Variants in SDC3 observed in about 807,000 individuals in gnomAD.
SDC3 encodes syndecan 3, also known as syndecan-3.
In SDC3, 13 loss-of-function variants were observed where a neutral mutation model predicts 24.4. The ratio of observed to expected loss-of-function variants is 0.53; its 90% confidence interval spans 0.35 to 0.85. The LOEUF is 0.85. Ranked by LOEUF, SDC3 falls within the 40% of genes least tolerant of loss-of-function variation. The pLI is 0.01. For synonymous variants in SDC3, 295 were observed against 260.9 expected, an observed-to-expected ratio of 1.13 and a Z score of -1.26; for missense variants, 571 against 584.5, an observed-to-expected ratio of 0.98 and a Z score of 0.24.
chr1:30,908,341 G>C (rs1414216354), intron 1 of SDC3, 108 bp downstream of exon 1: 8 of 561,344 alleles, frequency 1.4e-5, no homozygotes, highest in Non-Finnish European at 1.8e-5. Flanking sequence ...AAGCAGCCGG[G>C]GGGGAGGGAG....
intron 1 of SDC3, among the ~76,000 whole-genome samples, chr1:30,888,346 C>A (rs916609768): frequency 2.0e-5 from 3 of 152,220 alleles, no homozygotes; most frequent in Non-Finnish European, 4.4e-5. Flanking sequence ...GATCCTCAGC[C>A]TGACCTTGGA....
intron 1 of SDC3, among the ~76,000 whole-genome samples, chr1:30,899,460 C>T (rs566761961): frequency 3.9e-5 from 6 of 152,264 alleles, no homozygotes; most frequent in African/African-American, 1.2e-4. Flanking sequence ...CTGCAACCTC[C>T]GCCTCCCGGG....
At chr1:30,891,355 G>A (rs1639900863) in intron 1 of SDC3, among the ~76,000 whole-genome samples, 1 of 152,224 alleles carries the variant, frequency 6.6e-6, no homozygotes, top group African/African-American at 2.4e-5. Flanking sequence ...AGCACAGCTG[G>A]CAGCCGCCAA....
chr1:30,883,032 T>C (rs1425307259), intron 1 of SDC3, among the ~76,000 whole-genome samples: 3 of 152,214 alleles, frequency 2.0e-5, no homozygotes, highest in African/African-American at 7.2e-5. Flanking sequence ...AAAATTTCTA[T>C]TATTATTTCG....
chr1:30,874,558 T>A lies in SDC3; in HGVS notation c.901A>T (p.Ile301Phe). ...ACCGGAACCTCTGGCTCATCCCGGA[T>A]TGTGGTCAGGAAGGTCTCTGGAGTT... is the stretch of plus-strand genomic sequence containing the variant. ...TPTPETFLTT[I>F]RDEPEVPVSG... The change falls in exon 4 of 5, where the codon ATC (isoleucine) becomes TTC (phenylalanine). Residue 301 changes from isoleucine to phenylalanine, a missense_variant. Ile to Phe is a conservative substitution (Grantham distance 21, BLOSUM62 0). Transcript: ENST00000339394. 1 of 1,614,068 alleles carries A rather than the reference T, an allele frequency of 6.2e-7. No homozygotes were observed. Among genetic ancestry groups the A allele is most frequent in the Non-Finnish European group, 8.5e-7 (1 of 1,180,002 alleles).
At chr1:30,877,671 T>G in intron 2 of SDC3, 1 of 167,554 alleles carries the variant, frequency 6.0e-6, no homozygotes, top group Non-Finnish European at 1.3e-5. Flanking sequence ...TTGAGCAATC[T>G]GGCTGACGCA....
At position 30,870,054 on chromosome 1, in the gene SDC3, T is replaced by C. The variant is rs568812868; in HGVS notation, c.*3157A>G. On this transcript the variant is annotated 3_prime_UTR_variant, in exon 5 of 5. Transcript: ENST00000339394. ...GCCTGGGGAGGCAAGTCCAGGGTTG[T>C]AGTTGTTGGGAGAAGAAATCCAGAG... The C allele has an allele frequency of 2.5e-6, 1 of 397,360 alleles. No individual in the cohort carries two copies. The highest frequency in any genetic ancestry group is 2.1e-5 in the African/African-American group (1 of 48,698). 24.6% of individuals were successfully genotyped at this position (397,360 alleles called of 1,614,324 possible).
At chr1:30,878,577 A>T (rs1287805617) in intron 2 of SDC3, 46 bp downstream of exon 2, 1 of 1,508,272 alleles carries the variant, frequency 6.6e-7, no homozygotes, top group East Asian at 2.3e-5. Context: ...GGCTGGATAC[A>T]GACTGGTCAC....
chr1:30,872,906 C>G lies in SDC3; in HGVS notation c.*305G>C, dbSNP rs928812313. ...CAAGCCCCACCCTTTCTTCCACCAC[C>G]AGCCAATCAGGAGCTTTCTTCCTCC... On this transcript the variant is annotated 3_prime_UTR_variant, in exon 5 of 5. Coordinates refer to ENST00000339394, the MANE Select transcript of SDC3 (RefSeq NM_014654.4). 1 of 378,172 alleles carries G rather than the reference C, an allele frequency of 2.6e-6. No homozygotes were observed. The highest frequency in any genetic ancestry group is 4.8e-6 in the Non-Finnish European group (1 of 209,562). 23.4% of individuals were successfully genotyped at this position (378,172 alleles called of 1,614,324 possible). A position where few individuals can be genotyped will look rare whatever the true frequency, so the allele number is the denominator to read the frequency against.
chr1:30,894,747 G>A (rs1056216456), intron 1 of SDC3, among the ~76,000 whole-genome samples: 4 of 151,670 alleles, frequency 2.6e-5, no homozygotes, highest in Admixed American at 6.6e-5. Context: ...GAATGTGTGG[G>A]CGTACACAGG....
intron 1 of SDC3, among the ~76,000 whole-genome samples, chr1:30,902,728 G>A (rs1038744658): frequency 2.0e-5 from 3 of 152,216 alleles, no homozygotes; most frequent in Non-Finnish European, 4.4e-5. Context: ...CCTCGGTCCT[G>A]CCCAGATGTG....
At position 30,894,513 on chromosome 1, in the gene SDC3, TGA is replaced by T. The variant is rs200965072; in HGVS notation, c.138+13934_138+13935del. ...AATGTGGGGGGTGAGTATGAGTGGG[TGA>T]GAGTGTGAGTGGGTGAGAGTGTGCG... On this transcript the variant is annotated intron_variant, in intron 1 of 4. Transcript: ENST00000339394. Among the ~76,000 whole-genome samples the T allele has an allele frequency of 3.0e-3, 281 of 95,156 alleles. 4 individuals are homozygous for T. The highest frequency in any genetic ancestry group is 0.012 in the African/African-American group (262 of 21,822). The allele number at this position is 95,156 out of a possible 152,430, so 62.4% of individuals were successfully genotyped here. A position where few individuals can be genotyped will look rare whatever the true frequency, so the allele number is the denominator to read the frequency against.
chr1:30,893,050 C>T (rs757885315), intron 1 of SDC3, among the ~76,000 whole-genome samples: 11 of 152,186 alleles, frequency 7.2e-5, no homozygotes, highest in Admixed American at 1.3e-4. Context: ...GATGCCCAAA[C>T]GCCCTCTTTC....
chr1:30,890,927 C>T (rs1218551199), intron 1 of SDC3, among the ~76,000 whole-genome samples: 1 of 152,208 alleles, frequency 6.6e-6, no homozygotes, highest in African/African-American at 2.4e-5. Flanking sequence ...TCAGCAACTG[C>T]CTCTTCTAGG....
At chr1:30,905,184 C>G in intron 1 of SDC3, among the ~76,000 whole-genome samples, 1 of 152,094 alleles carries the variant, frequency 6.6e-6, no homozygotes, top group Non-Finnish European at 1.5e-5. Flanking sequence ...ACCCAAGGCT[C>G]ACAGTCACCC....
chr1:30,893,759 C>T (rs1440351232), intron 1 of SDC3, among the ~76,000 whole-genome samples: 5 of 152,146 alleles, frequency 3.3e-5, no homozygotes, highest in Non-Finnish European at 7.3e-5. Flanking sequence ...AAGGGACCCG[C>T]GTCTCCTGGC....
intron 1 of SDC3, among the ~76,000 whole-genome samples, chr1:30,894,499 T>C (rs868146822): frequency 3.3e-5 from 1 of 30,120 alleles, no homozygotes; most frequent in Non-Finnish European, 5.6e-5. Flanking sequence ...ATGTGGGGGG[T>C]GAGTATGAGT....
chr1:30,882,777 A>T (rs560033506), intron 1 of SDC3, among the ~76,000 whole-genome samples: 1 of 152,250 alleles, frequency 6.6e-6, no homozygotes, highest in South Asian at 2.1e-4. Flanking sequence ...CACCACCATG[A>T]GCCTTCCTAG....
chr1:30,890,902 A>G (rs941470435), intron 1 of SDC3, among the ~76,000 whole-genome samples: 5 of 152,176 alleles, frequency 3.3e-5, no homozygotes, highest in African/African-American at 1.2e-4. Flanking sequence ...GCAGACCACA[A>G]GTGGGAGGCC....
Sources: allele counts gnomAD v4.1 joint callset (sites outside exome capture counted in the v4.1 genomes callset), GRCh38; gene constraint gnomAD v4.1.1; transcripts MANE v1.5; gene names NCBI Gene and HGNC (gene_info 2026-07-23, HGNC 2026-07-21).